The following JARID2 variants were observed in gnomAD, a reference collection of about 807,000 sequenced individuals.
The protein encoded by JARID2 is protein Jumonji.
In JARID2, 21 loss-of-function variants were observed where a neutral mutation model predicts 125.6. That is an observed-to-expected ratio of 0.17 (90% CI 0.12 to 0.24). JARID2 has a LOEUF of 0.24. Among genes scored for constraint, JARID2 ranks in the 10% least tolerant of loss-of-function variants. The probability of loss-of-function intolerance (pLI) is 1.00; values close to 1 mark genes in which losing one functional copy is unlikely to be tolerated. For synonymous variants in JARID2, 736 were observed against 661.6 expected (o/e 1.11, Z -1.73); for missense variants, 1,303 against 1,639.6 (o/e 0.79, Z 3.55).
chr6:15,395,306 G>T (rs1255134710), intron 2 of JARID2, among the ~76,000 whole-genome samples: 1 of 152,048 alleles, frequency 6.6e-6, no homozygotes, highest in African/African-American at 2.4e-5. Context: ...TTTGGGGGGT[G>T]GTGGGGGCAC....
rs12204396 is a variant in JARID2, at chr6:15,326,225, T to G, written c.46-47892T>G. On this transcript the variant is annotated intron_variant, in intron 1 of 17. Coordinates refer to ENST00000341776, the MANE Select transcript of JARID2 (RefSeq NM_004973.4). ...GTGAAGCAAATCTCAGACATTTTTT[T>G]GGGGGGTGGAAGGTGGAGACAGGGT... Among the ~76,000 whole-genome samples the G allele has an allele frequency of 9.7e-3, 1,482 of 152,198 alleles. 11 individuals are homozygous for G. The highest frequency in any genetic ancestry group is 0.015 in the Non-Finnish European group (1,024 of 67,992).
chr6:15,269,793 A>G (rs150316130), intron 1 of JARID2, among the ~76,000 whole-genome samples: 1,602 of 152,256 alleles, frequency 0.011, 11 homozygotes, highest in Non-Finnish European at 0.016. Context: ...TTTACTGGCT[A>G]TATAGACCAC....
chr6:15,431,662 G>T (rs1209963586), intron 3 of JARID2, among the ~76,000 whole-genome samples: 1 of 152,224 alleles, frequency 6.6e-6, no homozygotes, highest in Non-Finnish European at 1.5e-5. Context: ...TAAAGAAAGT[G>T]TTGAAGACTC....
At chr6:15,350,435 C>T (rs56136047) in intron 1 of JARID2, among the ~76,000 whole-genome samples, 2 of 152,128 alleles carry the variant, frequency 1.3e-5, no homozygotes, top group African/African-American at 2.4e-5. Flanking sequence ...ATCAGGTGTT[C>T]GTCTTCATTA....
rs531494231 is a variant in JARID2 at position 15,364,906 on chromosome 6, TTTAA to T, written c.46-9208_46-9205del. On this transcript the variant is annotated intron_variant, in intron 1 of 17. Transcript: ENST00000341776. The stretch of plus-strand genomic sequence containing the variant: ...TGACTCAAGGACCTTAATTTTAAAT[TTTAA>T]TTGAGTTAATTATAAGTACTTACAT... Among the ~76,000 whole-genome samples the T allele has an allele frequency of 3.4e-3, 513 of 152,340 alleles. 2 individuals carry two copies. The highest frequency in any genetic ancestry group is 0.012 in the African/African-American group (495 of 41,574).
intron 1 of JARID2, among the ~76,000 whole-genome samples, chr6:15,321,294 A>G (rs1762345113): frequency 6.6e-6 from 1 of 152,206 alleles, no homozygotes; most frequent in Admixed American, 6.5e-5. Context: ...AAGAAAAATC[A>G]TGAAATTATT....
At chr6:15,252,491 T>C (rs776365309) in intron 1 of JARID2, among the ~76,000 whole-genome samples, 1 of 152,164 alleles carries the variant, frequency 6.6e-6, no homozygotes, top group Non-Finnish European at 1.5e-5. Context: ...CAGTTTAAAG[T>C]AGTCCTACTG....
At chr6:15,494,157 A>G (rs2127729306) in intron 6 of JARID2, among the ~76,000 whole-genome samples, 1 of 152,308 alleles carries the variant, frequency 6.6e-6, no homozygotes, top group East Asian at 1.9e-4. Context: ...AATTGGTGGC[A>G]TATAGAGAAA....
intron 6 of JARID2, among the ~76,000 whole-genome samples, chr6:15,491,578 G>T (rs1770153044): frequency 6.6e-6 from 1 of 152,256 alleles, no homozygotes. Context: ...CCCTCTCGTG[G>T]AGAAGAAGAA....
Position 15,439,339 on chromosome 6 carries a change from T to G in JARID2, c.324-12667T>G, listed in dbSNP as rs75157703. ...TGTACTTGCACCCCTGCTGTTATGT[T>G]TTATTAGGATGTCGTGCAATTTATT... On this transcript the variant is annotated intron_variant, in intron 3 of 17. Transcript: ENST00000341776. 7.2e-3 allele frequency among the ~76,000 whole-genome samples: 1,098 copies of G among 152,302 alleles called. 14 individuals carry two copies. Among genetic ancestry groups the G allele is most frequent in the African/African-American group, 0.025 (1,044 of 41,554 alleles).
chr6:15,318,953 TCTG>T (rs1762263815), intron 1 of JARID2, among the ~76,000 whole-genome samples: 1 of 152,216 alleles, frequency 6.6e-6, no homozygotes, highest in African/African-American at 2.4e-5. Context: ...CCCGCTAATT[TCTG>T]TTTTCTTTAC....
At chr6:15,507,276 C>T (rs931058718) in intron 10 of JARID2, 22 bp downstream of exon 10, 4 of 1,605,420 alleles carry the variant, frequency 2.5e-6, no homozygotes, top group Non-Finnish European at 2.6e-6. Flanking sequence ...TTCTCTCGTC[C>T]AGGTTCTTGG....
chr6:15,495,077 C>A (rs971746880), intron 6 of JARID2, among the ~76,000 whole-genome samples: 3 of 152,142 alleles, frequency 2.0e-5, no homozygotes, highest in Non-Finnish European at 4.4e-5. Flanking sequence ...AAAAGTAATG[C>A]CCAAGGTGTT....
At chr6:15,434,253 G>C (rs2127605467) in intron 3 of JARID2, among the ~76,000 whole-genome samples, 1 of 152,128 alleles carries the variant, frequency 6.6e-6, no homozygotes, top group East Asian at 1.9e-4. Flanking sequence ...ATGCTTCTGT[G>C]ATGGACAATT....
intron 1 of JARID2, among the ~76,000 whole-genome samples, chr6:15,332,517 C>T (rs569806490): frequency 6.6e-6 from 1 of 152,310 alleles, no homozygotes; most frequent in South Asian, 2.1e-4. Flanking sequence ...CTCCTAACTT[C>T]CCTGTATTTC....
intron 2 of JARID2, among the ~76,000 whole-genome samples, chr6:15,390,603 G>GT (rs1206330376): frequency 6.6e-6 from 1 of 152,236 alleles, no homozygotes; most frequent in Non-Finnish European, 1.5e-5. Context: ...CTGTCCTTTT[G>GT]TGGGGGTAGG....
intron 5 of JARID2, among the ~76,000 whole-genome samples, chr6:15,473,189 G>A (rs1236743500): frequency 2.0e-5 from 3 of 152,198 alleles, no homozygotes; most frequent in African/African-American, 7.2e-5. Flanking sequence ...AGTGGTGAAT[G>A]ATATTAACCA....
chr6:15,268,544 A>C (rs1015514560), intron 1 of JARID2, among the ~76,000 whole-genome samples: 1 of 152,128 alleles, frequency 6.6e-6, no homozygotes, highest in Non-Finnish European at 1.5e-5. Flanking sequence ...GATGGAAAGG[A>C]CGGTGGCTTT....
chr6:15,404,202 G>T (rs1765554783), intron 2 of JARID2, among the ~76,000 whole-genome samples: 2 of 152,078 alleles, frequency 1.3e-5, no homozygotes, highest in South Asian at 4.1e-4. Flanking sequence ...CAGACCCTGT[G>T]CCCTGCTCGC....
Sources: allele counts gnomAD v4.1 joint callset (sites outside exome capture counted in the v4.1 genomes callset), GRCh38; gene constraint gnomAD v4.1.1; transcripts MANE v1.5; gene names NCBI Gene and HGNC (gene_info 2026-07-23, HGNC 2026-07-21).